KANTR: variants seen among roughly 807,000 people sequenced by gnomAD.
The protein encoded by KANTR is KDM5C adjacent transcript.
intron 1 of KANTR, among the ~76,000 whole-genome samples, chrX:53,098,014 G>A (rs1172141821): frequency 3.3e-5 from 3 of 91,898 alleles, no homozygotes; most frequent in African/African-American, 1.3e-4. Flanking sequence ...TCATGCCACT[G>A]CACTCCATCC....
At chrX:53,097,769 G>A (rs782653100) in intron 1 of KANTR, among the ~76,000 whole-genome samples, 37 of 108,377 alleles carry the variant, frequency 3.4e-4, no homozygotes, top group African/African-American at 1.1e-3. Context: ...TATAATTACA[G>A]ACTGGGCGCA....
In KANTR at chrX:53,102,498, G is replaced by A. The variant is rs181112086; in HGVS notation, c.-805+2890G>A. 6.2e-5 allele frequency among the ~76,000 whole-genome samples: 7 copies of A among 112,076 alleles called. No individual in the cohort carries two copies. In the East Asian group the frequency reaches 1.9e-3, roughly 31 times the overall value. ...ATTATATTCAAGTTATGTAATTTTG[G>A]TGAGAATACCGCAGAAGAGAAGTTA... On this transcript the variant is annotated intron_variant, in intron 2 of 2. Coordinates refer to ENST00000604062, the Ensembl canonical transcript of KANTR.
At chrX:53,099,025 AT>A (rs1164279590) in intron 1 of KANTR, among the ~76,000 whole-genome samples, 17 of 104,911 alleles carry the variant, frequency 1.6e-4, no homozygotes, top group East Asian at 3.0e-4. Context: ...ATGCCCAGCT[AT>A]TTTTTTTTTT....
intron 2 of KANTR, among the ~76,000 whole-genome samples, chrX:53,109,829 A>C (rs1933005741): frequency 1.9e-5 from 2 of 103,570 alleles, no homozygotes; most frequent in Non-Finnish European, 3.9e-5. Flanking sequence ...TTCTCAGCTC[A>C]CTGCACCCCC....
At chrX:53,135,209 T>C (rs947522155) in intron 2 of KANTR, among the ~76,000 whole-genome samples, 1 of 112,047 alleles carries the variant, frequency 8.9e-6, no homozygotes, top group Admixed American at 9.5e-5. Context: ...GGAAGTACAG[T>C]CCCATGTTGA....
intron 2 of KANTR, among the ~76,000 whole-genome samples, chrX:53,138,142 A>C (rs1294267349): frequency 3.7e-5 from 4 of 109,279 alleles, no homozygotes; most frequent in Non-Finnish European, 5.7e-5. Context: ...GATCTCGGCT[A>C]ACCACAACCT....
At chrX:53,106,109 G>A (rs1017775223) in intron 2 of KANTR, among the ~76,000 whole-genome samples, 125 of 108,131 alleles carry the variant, frequency 1.2e-3, no homozygotes, top group Non-Finnish European at 1.5e-3. Context: ...CACCCGCCTC[G>A]GCCTCCCAAA....
intron 2 of KANTR, among the ~76,000 whole-genome samples, chrX:53,117,062 A>G (rs896461676): frequency 9.0e-6 from 1 of 111,279 alleles, no homozygotes; most frequent in Non-Finnish European, 1.9e-5. Context: ...CGGGTGAATC[A>G]CTTGAGGTCA....
intron 2 of KANTR, among the ~76,000 whole-genome samples, chrX:53,138,295 C>T (rs978627142): frequency 5.6e-5 from 6 of 107,114 alleles, no homozygotes; most frequent in Admixed American, 3.0e-4. Flanking sequence ...CTTGAAATCC[C>T]GACCTCAGGT....
At chrX:53,117,621 T>G (rs1210595330) in intron 2 of KANTR, among the ~76,000 whole-genome samples, 5 of 96,632 alleles carry the variant, frequency 5.2e-5, no homozygotes, top group Non-Finnish European at 8.3e-5. Flanking sequence ...TTTTTTTTTT[T>G]TTTTTTTTTT....
At chrX:53,126,433 A>G (rs1602124457) in exon 3 of KANTR, 3 of 111,285 alleles carry the variant, frequency 2.7e-5, no homozygotes, top group Admixed American at 1.9e-4. Flanking sequence ...TTCTTTAGGT[A>G]TATCTTTCAG....
chrX:53,123,326 G>A (rs1294715176), intron 2 of KANTR, 143 bp from the exon 3 acceptor site: 1 of 111,055 alleles, frequency 9.0e-6, no homozygotes, highest in African/African-American at 3.3e-5. Flanking sequence ...TTAACAATTG[G>A]AATTATATCT....
chrX:53,105,214 C>T (rs782458809), intron 2 of KANTR, among the ~76,000 whole-genome samples: 1 of 111,611 alleles, frequency 9.0e-6, no homozygotes, highest in South Asian at 3.8e-4. Context: ...AAACTGTTTG[C>T]AAAAGTGGCT....
At chrX:53,117,468 T>G (rs1933142674) in intron 2 of KANTR, among the ~76,000 whole-genome samples, 1 of 110,603 alleles carries the variant, frequency 9.0e-6, no homozygotes, top group Non-Finnish European at 1.9e-5. Flanking sequence ...CTGCTAAGTC[T>G]TGTGCTTAAC....
downstream of KANTR, chrX:53,127,533 A>G (rs1556816331): frequency 1.8e-5 from 2 of 112,319 alleles, no homozygotes; most frequent in Admixed American, 9.4e-5. Context: ...ATGCCATGCT[A>G]AGGAACTTGG....
chrX:53,098,143 T>C (rs1415001822), intron 1 of KANTR, among the ~76,000 whole-genome samples: 2 of 109,231 alleles, frequency 1.8e-5, no homozygotes, highest in African/African-American at 6.7e-5. Context: ...TACAGGCATA[T>C]CACAGGTTCA....
At chrX:53,098,353 T>A (rs1932862856) in intron 1 of KANTR, among the ~76,000 whole-genome samples, 2 of 112,306 alleles carry the variant, frequency 1.8e-5, no homozygotes, top group Admixed American at 1.9e-4. Flanking sequence ...TGTAATTTTT[T>A]GCTGGTGGAG....
chrX:53,146,639 C>T (rs1446898283), downstream of KANTR, among the ~76,000 whole-genome samples: 2 of 110,822 alleles, frequency 1.8e-5, no homozygotes, highest in African/African-American at 6.6e-5. Context: ...AGGTACTCCT[C>T]GAGAAGAGCA....
At chrX:53,107,464 A>C (rs1556812993) in intron 2 of KANTR, among the ~76,000 whole-genome samples, 1 of 107,880 alleles carries the variant, frequency 9.3e-6, no homozygotes, top group Non-Finnish European at 1.9e-5. Flanking sequence ...TCTTTAAAAA[A>C]AAAAACAGCT....
Sources: gnomAD v4.1 joint callset for allele counts (sites outside exome capture counted in the v4.1 genomes callset) on GRCh38, gnomAD v4.1.1 for gene constraint, MANE v1.5 for transcripts, NCBI Gene and HGNC (gene_info 2026-07-23, HGNC 2026-07-21) for gene names.